The following XG variants were observed in gnomAD, a reference collection of about 807,000 sequenced individuals.
XG encodes glycoprotein Xg.
In XG, 24 loss-of-function variants were observed where a neutral mutation model predicts 25.7. The observed-to-expected ratio is 0.93, with a 90% confidence interval of 0.68 to 1.31. XG has a LOEUF of 1.31. XG is among the 40% of genes most tolerant of loss of function. The pLI is 0.00. For synonymous variants in XG, 77 were observed against 69.2 expected, an observed-to-expected ratio of 1.11 and a Z score of -0.56; for missense variants, 181 against 187.6, an observed-to-expected ratio of 0.96 and a Z score of 0.21.
rs773555656 is a variant in XG at position 2,779,650 on chromosome X, T to C, written c.128-2416T>C. On this transcript the variant is annotated intron_variant, in intron 3 of 10. Coordinates refer to ENST00000644266, the MANE Select transcript of XG (RefSeq NM_001141919.2). ...TGCAAGTATATGTTCCTGTATATTT[T>C]TATTTATTTATTTGGAGACAGAATC... Among the ~76,000 whole-genome samples the C allele has an allele frequency of 3.9e-5, 6 of 152,222 alleles. No homozygotes were observed. In the East Asian group the frequency reaches 1.2e-3, roughly 29 times the overall value.
At chrX:2,766,621 C>G (rs56309032) in intron 1 of XG, among the ~76,000 whole-genome samples, 10,465 of 133,158 alleles carry the variant, frequency 0.079, 470 homozygotes, top group Non-Finnish European at 0.11. Context: ...CTGGAGTGTA[C>G]TGGTGTGAAC....
chrX:2,784,249 C>G (rs2086762407), intron 4 of XG, among the ~76,000 whole-genome samples: 1 of 111,031 alleles, frequency 9.0e-6, no homozygotes, highest in Non-Finnish European at 1.9e-5. Context: ...CCCAGTTAAA[C>G]AGACTGCCGT....
At chrX:2,753,888 T>G (rs1219921427) in intron 1 of XG, among the ~76,000 whole-genome samples, 1 of 152,054 alleles carries the variant, frequency 6.6e-6, no homozygotes, top group African/African-American at 2.4e-5. Flanking sequence ...ATACAGCCAT[T>G]CTGTTTTTCA....
intron 2 of XG, among the ~76,000 whole-genome samples, chrX:2,773,324 A>C (rs2050868177): frequency 6.9e-6 from 1 of 144,290 alleles, no homozygotes; most frequent in Non-Finnish European, 1.5e-5. Context: ...AGGAGGGGGG[A>C]AGGAAAGAAA....
Position 2,781,027 on chromosome X carries a change from A to G in XG, c.128-1039A>G, listed in dbSNP as rs1204235809. Among the ~76,000 whole-genome samples the G allele has an allele frequency of 2.0e-5, 3 of 151,938 alleles. No homozygotes were observed. The East Asian group carries it at 5.8e-4, about 29-fold the overall frequency. The stretch of plus-strand genomic sequence containing the variant: ...GAGATTTATGTTCCCTTCACAGTGT[A>G]TGAGTGAGAGCACTTGGAAACTGAG... On this transcript the variant is annotated intron_variant, in intron 3 of 10. Transcript: ENST00000644266.
At chrX:2,804,958 T>A (rs1260220919) in intron 7 of XG, among the ~76,000 whole-genome samples, 1 of 112,445 alleles carries the variant, frequency 8.9e-6, no homozygotes, top group Admixed American at 9.4e-5. Flanking sequence ...AGCATGACGC[T>A]TGTTTTCGAG....
intron 7 of XG, among the ~76,000 whole-genome samples, chrX:2,797,586 GCA>G (rs755459001): frequency 8.9e-4 from 91 of 102,166 alleles, no homozygotes; most frequent in Admixed American, 2.0e-3. Flanking sequence ...ATACACACAT[GCA>G]CACACACACA....
At chrX:2,775,060 C>T in intron 3 of XG, 1 of 370,614 alleles carries the variant, frequency 2.7e-6, no homozygotes, top group Non-Finnish European at 5.0e-6. Flanking sequence ...TGAACAAATG[C>T]TTTGGTGGAT....
At chrX:2,765,379 AAGGAAG>A (rs2050661270) in intron 1 of XG, among the ~76,000 whole-genome samples, 2 of 37,008 alleles carry the variant, frequency 5.4e-5, no homozygotes, top group South Asian at 4.9e-3. Context: ...GGAGGGAGGG[AAGGAAG>A]GAAGGAAGGA....
chrX:2,753,625 C>T (rs1221385689), intron 1 of XG, among the ~76,000 whole-genome samples: 2 of 151,868 alleles, frequency 1.3e-5, no homozygotes, highest in Admixed American at 6.6e-5. Context: ...TTCTGTTGCC[C>T]AGGCTGGAGT....
chrX:2,773,611 G>A (rs2050893288), intron 2 of XG, among the ~76,000 whole-genome samples: 1 of 38,870 alleles, frequency 2.6e-5, no homozygotes, highest in Non-Finnish European at 5.5e-5. Context: ...AGGAAGGAAG[G>A]AGAGAAGGAA....
At chrX:2,754,576 GA>G (rs1335725429) in intron 1 of XG, among the ~76,000 whole-genome samples, 1 of 151,978 alleles carries the variant, frequency 6.6e-6, no homozygotes, top group Non-Finnish European at 1.5e-5. Flanking sequence ...TATATATAGA[GA>G]GAGGAGTTTA....
chrX:2,766,695 G>T lies in XG; in HGVS notation c.62-3855G>T, dbSNP rs1016724240. On this transcript the variant is annotated intron_variant, in intron 1 of 10. Transcript: ENST00000644266. Reference sequence around the variant, plus strand: ...TTCTCCTGCCTCAGCCTCCCGAGTAGCTGGGACTACAGGCGCCCGCCACCA... The same window carrying T: ...TTCTCCTGCCTCAGCCTCCCGAGTATCTGGGACTACAGGCGCCCGCCACCA... 7.3e-5 allele frequency among the ~76,000 whole-genome samples: 11 copies of T among 150,858 alleles called. No homozygotes were observed. In the South Asian group the frequency reaches 2.3e-3, roughly 32 times the overall value.
intron 1 of XG, among the ~76,000 whole-genome samples, chrX:2,767,156 G>A (rs1047234137): frequency 5.3e-5 from 8 of 152,146 alleles, no homozygotes; most frequent in Non-Finnish European, 1.2e-4. Flanking sequence ...ATTTGGGTGG[G>A]AGGCAGGGGA....
chrX:2,779,617 G>C (rs1423552705), intron 3 of XG, among the ~76,000 whole-genome samples: 1 of 152,084 alleles, frequency 6.6e-6, no homozygotes, highest in Non-Finnish European at 1.5e-5. Flanking sequence ...TGCAGTACTT[G>C]CATATAATGC....
intron 1 of XG, among the ~76,000 whole-genome samples, chrX:2,757,098 T>A (rs2050452680): frequency 6.6e-6 from 1 of 151,888 alleles, no homozygotes; most frequent in Non-Finnish European, 1.5e-5. Context: ...GGGGATGGAG[T>A]GGGCAGATGA....
rs749794585 is a variant in XG at position 2,752,496 on chromosome X, G to A, written c.61+161G>A. Among the ~76,000 whole-genome samples the A allele has an allele frequency of 1.1e-4, 16 of 152,256 alleles. No homozygotes were observed. The South Asian group carries it at 3.3e-3, about 32-fold the overall frequency. On this transcript the variant is annotated intron_variant, in intron 1 of 10. Coordinates refer to ENST00000644266, the MANE Select transcript of XG (RefSeq NM_001141919.2). ...AGAGCGATGGGTGGCTGAGAGGGGA[G>A]GGAGAAGACGGGCTGCTCCCATTTG...
At chrX:2,786,316 A>G (rs1304202517) in intron 4 of XG, among the ~76,000 whole-genome samples, 6 of 90,260 alleles carry the variant, frequency 6.6e-5, no homozygotes, top group Admixed American at 3.0e-4. Context: ...CTGGAGTGCA[A>G]TGGCACGATG....
chrX:2,796,977 G>A lies in XG; in HGVS notation c.323-333G>A, dbSNP rs1301621048. Among the ~76,000 whole-genome samples the A allele has an allele frequency of 2.7e-5, 3 of 112,180 alleles. No individual in the cohort carries two copies. In the Admixed American group the frequency reaches 2.8e-4, roughly 11 times the overall value. ...TGCTGGAAGGTCCTCCTAATCCGGC[G>A]TCGGCGTGGCTGATCTCATATCAGT... On this transcript the variant is annotated intron_variant, in intron 6 of 10. Coordinates refer to ENST00000644266, the MANE Select transcript of XG (RefSeq NM_001141919.2).
Sources: gnomAD v4.1 joint callset for allele counts (sites outside exome capture counted in the v4.1 genomes callset) on GRCh38, gnomAD v4.1.1 for gene constraint, MANE v1.5 for transcripts, NCBI Gene and HGNC (gene_info 2026-07-23, HGNC 2026-07-21) for gene names.